The following MYO9B variants were observed in gnomAD, a reference collection of about 807,000 sequenced individuals.
The protein encoded by MYO9B is myosin IXB.
In MYO9B, 71 loss-of-function variants were observed where a neutral mutation model predicts 229.5. The ratio of observed to expected loss-of-function variants is 0.31; its 90% confidence interval spans 0.26 to 0.38. The LOEUF (loss-of-function observed/expected upper bound fraction) is 0.38, where lower values mean the gene tolerates loss of function less well. Ranked by LOEUF, MYO9B falls within the 10% of genes least tolerant of loss-of-function variation. The probability of loss-of-function intolerance (pLI) is 1.00; values close to 1 mark genes in which losing one functional copy is unlikely to be tolerated. For synonymous variants in MYO9B, 1,185 were observed against 1,235.8 expected, an observed-to-expected ratio of 0.96 and a Z score of 0.86; for missense variants, 2,255 against 2,920.5, an observed-to-expected ratio of 0.77 and a Z score of 5.25.
At chr19:17,203,436 A>C (rs1279225900) in intron 30 of MYO9B, among the ~76,000 whole-genome samples, 178 bp downstream of exon 30, 1 of 152,004 alleles carries the variant, frequency 6.6e-6, no homozygotes, top group Non-Finnish European at 1.5e-5. Flanking sequence ...AAGATGGTGA[A>C]ACCTCATCAC....
chr19:17,094,330 C>T (rs888602203), intron 1 of MYO9B, among the ~76,000 whole-genome samples: 2 of 152,106 alleles, frequency 1.3e-5, no homozygotes, highest in African/African-American at 2.4e-5. Flanking sequence ...CCACCACGCT[C>T]GGCCAAGCAC....
At chr19:17,181,413 G>C (rs1469512357) in intron 15 of MYO9B, among the ~76,000 whole-genome samples, 1 of 152,216 alleles carries the variant, frequency 6.6e-6, no homozygotes. Flanking sequence ...ATCTGCAGCA[G>C]GGCATGCGAT....
At chr19:17,197,033 T>C (rs1284463829) in intron 22 of MYO9B, among the ~76,000 whole-genome samples, 1 of 152,022 alleles carries the variant, frequency 6.6e-6, no homozygotes, top group Non-Finnish European at 1.5e-5. Context: ...CCCAACACTT[T>C]GAGAGGCTGA....
chr19:17,081,988 G>T (rs1228267319), intron 1 of MYO9B, among the ~76,000 whole-genome samples: 1 of 152,028 alleles, frequency 6.6e-6, no homozygotes, highest in Non-Finnish European at 1.5e-5. Flanking sequence ...TCTCAGTATT[G>T]CCAGGGTCAG....
chr19:17,149,185 C>G (rs1184002367), intron 3 of MYO9B, among the ~76,000 whole-genome samples: 2 of 152,008 alleles, frequency 1.3e-5, no homozygotes, highest in African/African-American at 4.8e-5. Context: ...ACTGTGTTGT[C>G]CAGGCTGGTC....
chr19:17,102,254 G>A lies in MYO9B; in HGVS notation c.537G>A (p.Ala179=), dbSNP rs561782962. ...RFLQQKIYTY[A]GSILVAINPF... is the part of the protein sequence containing the mutation. ...TGCAACAAAAGATCTACACGTACGC[G>A]GGGAGCATCCTGGTGGCCATCAACC... Residue 179 remains alanine, a synonymous_variant, in exon 2 of 40, where the codon GCG becomes GCA. Transcript: ENST00000682292. 7.6e-5 allele frequency: 123 copies of A among 1,613,996 alleles called. No individual in the cohort carries two copies. The highest frequency in any genetic ancestry group is 9.0e-5 in the Non-Finnish European group (106 of 1,179,884).
At chr19:17,143,601 G>A (rs1023010386) in intron 2 of MYO9B, among the ~76,000 whole-genome samples, 3 of 152,188 alleles carry the variant, frequency 2.0e-5, no homozygotes, top group Non-Finnish European at 4.4e-5. Context: ...GCCTCCTGGA[G>A]GGTGGGAGGA....
intron 14 of MYO9B, among the ~76,000 whole-genome samples, chr19:17,177,269 G>A (rs1245546058): frequency 1.3e-5 from 2 of 148,782 alleles, no homozygotes; most frequent in African/African-American, 2.5e-5. Flanking sequence ...GCATTCCTCT[G>A]TTGTTTTTGT....
At chr19:17,097,277 C>CA (rs1162978200) in intron 1 of MYO9B, among the ~76,000 whole-genome samples, 1 of 150,924 alleles carries the variant, frequency 6.6e-6, no homozygotes, top group Non-Finnish European at 1.5e-5. Context: ...GCCAAGATCA[C>CA]AGCACTGTGC....
chr19:17,189,921 C>T (rs1054345785), intron 19 of MYO9B, among the ~76,000 whole-genome samples: 20 of 151,826 alleles, frequency 1.3e-4, no homozygotes, highest in Admixed American at 3.3e-4. Flanking sequence ...AAAAATTAGC[C>T]GGGAGAGGTG....
chr19:17,147,973 C>T lies in MYO9B; in HGVS notation c.935+2482C>T, dbSNP rs148523694. Reference sequence around the variant, plus strand: ...TTGGGATTACAGGCGTGAGCCACTGCGCCTGGCCATTTAATTTTTTAAGAA... The same window carrying T: ...TTGGGATTACAGGCGTGAGCCACTGTGCCTGGCCATTTAATTTTTTAAGAA... On this transcript the variant is annotated intron_variant, in intron 3 of 39. Transcript: ENST00000682292. Among the ~76,000 whole-genome samples, 385 of 152,198 alleles carry T rather than the reference C, an allele frequency of 2.5e-3. 8 individuals carry two copies. In the East Asian group the frequency reaches 0.041, roughly 16 times the overall value.
chr19:17,099,529 G>C (rs2057724421), intron 1 of MYO9B, among the ~76,000 whole-genome samples: 1 of 152,008 alleles, frequency 6.6e-6, no homozygotes, highest in African/African-American at 2.4e-5. Flanking sequence ...GATCGTTTGA[G>C]CTTAGGAGTT....
intron 2 of MYO9B, among the ~76,000 whole-genome samples, chr19:17,113,977 G>T (rs1456526432): frequency 6.6e-6 from 1 of 152,124 alleles, no homozygotes; most frequent in East Asian, 1.9e-4. Context: ...TTGATATGTG[G>T]GCTGGATCAT....
chr19:17,183,487 C>T (rs2305767), intron 15 of MYO9B, among the ~76,000 whole-genome samples: 106,645 of 152,112 alleles, frequency 0.7, 38,979 homozygotes, highest in African/African-American at 0.92. Flanking sequence ...GCAAGCCCCG[C>T]TGGATGCACG....
At chr19:17,108,758 C>A (rs926098503) in intron 2 of MYO9B, among the ~76,000 whole-genome samples, 2 of 152,124 alleles carry the variant, frequency 1.3e-5, no homozygotes, top group African/African-American at 4.8e-5. Flanking sequence ...GCTCTATCGC[C>A]CAGGCTGGAG....
At chr19:17,135,545 G>T (rs984654265) in intron 2 of MYO9B, among the ~76,000 whole-genome samples, 2 of 152,176 alleles carry the variant, frequency 1.3e-5, no homozygotes, top group African/African-American at 4.8e-5. Flanking sequence ...ACCCCTCGCT[G>T]CGAGCGCTGG....
At chr19:17,113,408 G>C (rs2057867795) in intron 2 of MYO9B, among the ~76,000 whole-genome samples, 1 of 152,222 alleles carries the variant, frequency 6.6e-6, no homozygotes, top group Non-Finnish European at 1.5e-5. Context: ...TGGGGAAAGA[G>C]GAGGCAGAAT....
At chr19:17,160,510 C>CTTTTTTTTTTTTTTTTTT (rs34857957) in intron 8 of MYO9B, among the ~76,000 whole-genome samples, 1 of 128,172 alleles carries the variant, frequency 7.8e-6, no homozygotes. Context: ...TCTTTTTTTT[C>CTTTTTTTTTTTTTTTTTT]TTTTTTTTTT....
chr19:17,131,736 C>A (rs1015295705), intron 2 of MYO9B, among the ~76,000 whole-genome samples: 2 of 152,178 alleles, frequency 1.3e-5, no homozygotes, highest in Non-Finnish European at 2.9e-5. Context: ...CTAGGCCAGC[C>A]CTGTCAGAGG....
Sources: allele counts gnomAD v4.1 joint callset (sites outside exome capture counted in the v4.1 genomes callset), GRCh38; gene constraint gnomAD v4.1.1; transcripts MANE v1.5; gene names NCBI Gene and HGNC (gene_info 2026-07-23, HGNC 2026-07-21).